PHYH: variants seen among roughly 807,000 people sequenced by gnomAD.
PHYH encodes the protein phytanoyl-CoA dioxygenase, peroxisomal.
In PHYH, 32 loss-of-function variants were observed where a neutral mutation model predicts 38.5. That is an observed-to-expected ratio of 0.83 (90% CI 0.63 to 1.12). The LOEUF (loss-of-function observed/expected upper bound fraction) is 1.12, where lower values mean the gene tolerates loss of function less well. Ranked by LOEUF, PHYH falls within the 50% of genes most tolerant of loss-of-function variation. The probability of loss-of-function intolerance (pLI) is 0.00; values close to 1 mark genes in which losing one functional copy is unlikely to be tolerated. For missense variants in PHYH, 426 were observed against 434.8 expected, an observed-to-expected ratio of 0.98 and a Z score of 0.18; for synonymous variants, 166 against 157.9, an observed-to-expected ratio of 1.05 and a Z score of -0.38.
intron 1 of PHYH, among the ~76,000 whole-genome samples, chr10:13,298,715 C>CACT (rs1396119781): frequency 3.5e-5 from 4 of 115,356 alleles, no homozygotes; most frequent in Middle Eastern, 4.0e-3. Flanking sequence ...AAAAAACTAC[C>CACT]ACCACTACTA....
chr10:13,288,610 C>G, intron 5 of PHYH, 69 bp from the exon 6 acceptor site: 1 of 1,476,990 alleles, frequency 6.8e-7, no homozygotes, highest in Non-Finnish European at 9.5e-7. Flanking sequence ...GTAACCCCAG[C>G]ACTTTGGGAT....
rs533643481 is a variant in PHYH, at chr10:13,278,093, T to C, written c.*208A>G. 78 of 546,264 alleles carry C rather than the reference T, an allele frequency of 1.4e-4. No homozygotes were observed. The highest frequency in any genetic ancestry group is 1.1e-3 in the Admixed American group (34 of 32,262). The allele number at this position is 546,264 out of a possible 1,614,324, so 33.8% of individuals were successfully genotyped here. ...CCTAAATTAGTTTTCCTTAAAACAG[T>C]AATATTTCACTTTTACTGTTTTTTT... is the stretch of plus-strand genomic sequence containing the variant. On this transcript the variant is annotated 3_prime_UTR_variant, in exon 9 of 9. Transcript: ENST00000263038.
chr10:13,299,846 G>A (rs1326512027), intron 1 of PHYH, 122 bp downstream of exon 1: 2 of 1,330,132 alleles, frequency 1.5e-6, no homozygotes, highest in Non-Finnish European at 1.9e-6. Flanking sequence ...GCGGCGCTGA[G>A]CGAGGAGGCG....
At chr10:13,298,286 G>C in intron 1 of PHYH, 41 bp from the exon 2 acceptor site, 4 of 1,300,200 alleles carry the variant, frequency 3.1e-6, no homozygotes, top group Non-Finnish European at 4.5e-6. Context: ...AATATAGAAG[G>C]CCAGGCACGG....
At chr10:13,295,313 G>A (rs1451986223) in intron 3 of PHYH, 183 bp downstream of exon 3, 6 of 585,194 alleles carry the variant, frequency 1.0e-5, no homozygotes, top group Non-Finnish European at 1.5e-5. Context: ...ACACAACAGA[G>A]TGAGAACCTT....
intron 4 of PHYH, 101 bp from the exon 5 acceptor site, chr10:13,292,013 G>A (rs1363074046): frequency 3.7e-6 from 3 of 805,106 alleles, no homozygotes; most frequent in Non-Finnish European, 6.3e-6. Context: ...AACCAAGAAG[G>A]CAATAGTTTA....
chr10:13,281,021 T>G lies in PHYH; in HGVS notation c.918A>C (p.Gly306=). Residue 306 remains glycine (G), a synonymous_variant, in exon 8 of 9, where the codon GGA becomes GGC. Transcript: ENST00000263038. ...CAGCTCCAAAGAATTTATGTGCTATTCCTACAACTTCCTTCTCGATGTTTT... is the reference window on the plus strand; with the variant it reads ...CAGCTCCAAAGAATTTATGTGCTATGCCTACAACTTCCTTCTCGATGTTTT... The part of the protein sequence containing the change: ...SQENIEKEVV[G]IAHKFFGAEN... 6.2e-7 allele frequency: 1 copy of G among 1,614,000 alleles called. No homozygotes were observed.
At chr10:13,286,073 AATTATT>A (rs1243246418) in intron 6 of PHYH, among the ~76,000 whole-genome samples, 1 of 151,664 alleles carries the variant, frequency 6.6e-6, no homozygotes, top group Non-Finnish European at 1.5e-5. Flanking sequence ...ATGCCCAGCT[AATTATT>A]ATTATTATTA....
chr10:13,292,403 G>A (rs1485538513), intron 4 of PHYH, among the ~76,000 whole-genome samples: 1 of 152,234 alleles, frequency 6.6e-6, no homozygotes, highest in Non-Finnish European at 1.5e-5. Context: ...GAACCAGGAG[G>A]TGACGGGAAA....
Position 13,295,492 on chromosome 10 carries a change from G to GT in PHYH, c.245+3dup. 1 of 1,343,138 alleles carries GT rather than the reference G, an allele frequency of 7.4e-7. No individual in the cohort carries two copies. The highest frequency in any genetic ancestry group is 1.1e-6 in the Non-Finnish European group (1 of 932,364). The allele number at this position is 1,343,138 out of a possible 1,614,324, so 83.2% of individuals were successfully genotyped here. On this transcript the variant is annotated splice_donor_region_variant and intron_variant, in intron 3 of 8. Coordinates refer to ENST00000263038, the MANE Select transcript of PHYH (RefSeq NM_006214.4). Reference sequence around the variant, plus strand: ...TTGTAAAATAACAAATAGTGTTACTGTACCGAAAGCGTTGAATATCGGCAT... The same window carrying GT: ...TTGTAAAATAACAAATAGTGTTACTGTTACCGAAAGCGTTGAATATCGGCAT...
intron 1 of PHYH, among the ~76,000 whole-genome samples, chr10:13,299,127 T>A (rs1832669679): frequency 1.5e-5 from 1 of 65,020 alleles, no homozygotes; most frequent in South Asian, 8.2e-4. Context: ...GAGGCCCTGT[T>A]TCAAAAAAAA....
rs187880578 is a variant in PHYH at position 13,297,333 on chromosome 10, G to A, written c.134+854C>T. On this transcript the variant is annotated intron_variant, in intron 2 of 8. Coordinates refer to ENST00000263038, the MANE Select transcript of PHYH (RefSeq NM_006214.4). ...ATCACCCAACCTATTCCTTAAGATC[G>A]GAATTGTGGTTGTATGAGAATATTT... is the stretch of plus-strand genomic sequence containing the variant. Among the ~76,000 whole-genome samples, 19 of 152,234 alleles carry A rather than the reference G, an allele frequency of 1.2e-4. No individual in the cohort carries two copies. The East Asian group carries it at 3.7e-3, about 29-fold the overall frequency.
rs1554785619 is a variant in PHYH, at chr10:13,298,718, C to CTACTACTACT, written c.76-474_76-473insAGTAGTAGTA. 6.7e-4 allele frequency among the ~76,000 whole-genome samples: 63 copies of CTACTACTACT among 93,370 alleles called. 2 individuals are homozygous for CTACTACTACT. Among genetic ancestry groups the CTACTACTACT allele is most frequent in the East Asian group, 2.4e-3 (7 of 2,860 alleles). The allele number at this position is 93,370 out of a possible 152,430, so 61.3% of individuals were successfully genotyped here. A position where few individuals can be genotyped will look rare whatever the true frequency, so the allele number is the denominator to read the frequency against. ...TCCATCTCAGAAAAAAAACTACCAC[C>CTACTACTACT]ACTACTACTACTACTACTACTACTA... On this transcript the variant is annotated intron_variant, in intron 1 of 8. Coordinates refer to ENST00000263038, the MANE Select transcript of PHYH (RefSeq NM_006214.4).
intron 6 of PHYH, among the ~76,000 whole-genome samples, chr10:13,287,618 C>T (rs975488863): frequency 4.6e-5 from 7 of 152,100 alleles, no homozygotes; most frequent in South Asian, 2.1e-4. Context: ...CTTCCTATAT[C>T]GACTCTTCCC....
chr10:13,297,421 T>A (rs1374555055), intron 2 of PHYH, among the ~76,000 whole-genome samples: 1 of 124,724 alleles, frequency 8.0e-6, no homozygotes, highest in Non-Finnish European at 1.7e-5. Flanking sequence ...CTAGCTAATA[T>A]GTCCATATAA....
intron 5 of PHYH, 50 bp downstream of exon 5, chr10:13,291,781 C>T: frequency 3.2e-6 from 4 of 1,264,940 alleles, no homozygotes; most frequent in Non-Finnish European, 4.6e-6. Flanking sequence ...ACCCAGCCAA[C>T]CTTACACATT....
At position 13,288,533 on chromosome 10, in the gene PHYH, T is replaced by A; in HGVS notation, c.505A>T (p.Thr169Ser). 6 of 1,613,978 alleles carry A rather than the reference T, an allele frequency of 3.7e-6. No homozygotes were observed. Among genetic ancestry groups the A allele is most frequent in the Non-Finnish European group, 5.1e-6 (6 of 1,179,988 alleles). Residue 169 changes from threonine (T) to serine (S), a missense_variant, in exon 6 of 9, where the codon ACG becomes TCG. Transcript: ENST00000263038. ...TCCTGGTGCAGGGGGTGACGGGACGTCTTCTTGCCTGAAAAGAAAACCTGC... is the reference window on the plus strand; with the variant it reads ...TCCTGGTGCAGGGGGTGACGGGACGACTTCTTGCCTGAAAAGAAAACCTGC... ...INKPPDSGKK[T>S]SRHPLHQDLH...
intron 3 of PHYH, 29 bp from the exon 4 acceptor site, chr10:13,294,625 G>A (rs188010227): frequency 7.7e-5 from 124 of 1,606,908 alleles, no homozygotes; most frequent in Admixed American, 5.7e-4. Context: ...AAATGATGTC[G>A]TTACCGCTGG....
intron 6 of PHYH, among the ~76,000 whole-genome samples, chr10:13,284,832 C>G (rs1835506639): frequency 6.6e-6 from 1 of 152,164 alleles, no homozygotes; most frequent in Non-Finnish European, 1.5e-5. Flanking sequence ...TTCCTAAGAG[C>G]ATCCCCAGTT....
Sources: allele counts gnomAD v4.1 joint callset (sites outside exome capture counted in the v4.1 genomes callset), GRCh38; gene constraint gnomAD v4.1.1; transcripts MANE v1.5; gene names NCBI Gene and HGNC (gene_info 2026-07-23, HGNC 2026-07-21).